Variants in JMJD1C observed in about 807,000 individuals in gnomAD.
JMJD1C encodes the protein jumonji domain containing 1C, also known as jumonji domain-containing protein 1C.
In JMJD1C, 31 loss-of-function variants were observed where a neutral mutation model predicts 245.3. The observed-to-expected ratio is 0.13, with a 90% confidence interval of 0.09 to 0.17. JMJD1C has a LOEUF of 0.17. Among genes scored for constraint, JMJD1C ranks in the 10% least tolerant of loss-of-function variants. The probability of loss-of-function intolerance (pLI) is 1.00; values close to 1 mark genes in which losing one functional copy is unlikely to be tolerated. For missense variants in JMJD1C, 2,691 were observed against 3,000.2 expected (o/e 0.90, Z 2.41); for synonymous variants, 1,057 against 1,017.4 (o/e 1.04, Z -0.74).
intron 3 of JMJD1C, among the ~76,000 whole-genome samples, chr10:63,229,448 G>A (rs1262906803): frequency 6.6e-6 from 1 of 151,960 alleles, no homozygotes; most frequent in East Asian, 1.9e-4. Context: ...GATTAAGATG[G>A]TAGGAAGAAA....
chr10:63,272,838 T>A (rs546718401), intron 2 of JMJD1C, among the ~76,000 whole-genome samples: 2 of 152,338 alleles, frequency 1.3e-5, no homozygotes, highest in South Asian at 4.1e-4. Flanking sequence ...AAACTCAAGT[T>A]TGTCTACACT....
At chr10:63,474,509 C>A (rs1953596916) in intron 1 of JMJD1C, among the ~76,000 whole-genome samples, 1 of 151,284 alleles carries the variant, frequency 6.6e-6, no homozygotes, top group Non-Finnish European at 1.5e-5. Context: ...TGCAGTGGTA[C>A]AATCATGGCT....
chr10:63,494,571 G>A (rs1232725027), intron 1 of JMJD1C, among the ~76,000 whole-genome samples: 1 of 152,082 alleles, frequency 6.6e-6, no homozygotes, highest in East Asian at 1.9e-4. Context: ...GTTTTAAATT[G>A]TCTTCTTTGA....
chr10:63,507,644 C>CAA (rs34738955), intron 1 of JMJD1C, among the ~76,000 whole-genome samples: 12,745 of 58,752 alleles, frequency 0.22, 2,349 homozygotes, highest in Admixed American at 0.47. Flanking sequence ...GACTCTGTCT[C>CAA]AAAAAAAAAA....
intron 2 of JMJD1C, among the ~76,000 whole-genome samples, chr10:63,286,500 T>C (rs969220995): frequency 6.6e-6 from 1 of 152,180 alleles, no homozygotes; most frequent in Non-Finnish European, 1.5e-5. Context: ...TCTTAACAGA[T>C]CAGTTTCCTG....
At chr10:63,516,306 A>G (rs1398592577) in intron 1 of JMJD1C, among the ~76,000 whole-genome samples, 1 of 152,044 alleles carries the variant, frequency 6.6e-6, no homozygotes, top group Non-Finnish European at 1.5e-5. Flanking sequence ...AGGGAAGAAA[A>G]AAAGACTAAT....
At chr10:63,503,459 G>A (rs1954622855) in intron 1 of JMJD1C, among the ~76,000 whole-genome samples, 1 of 152,146 alleles carries the variant, frequency 6.6e-6, no homozygotes, top group Admixed American at 6.6e-5. Context: ...TGAAAAGTTT[G>A]GGAGACAATG....
intron 2 of JMJD1C, among the ~76,000 whole-genome samples, chr10:63,365,850 TCTGGCTTC>T (rs1945790169): frequency 2.6e-5 from 4 of 152,282 alleles, no homozygotes; most frequent in African/African-American, 9.6e-5. Context: ...TTGAAAGAGG[TCTGGCTTC>T]TGCCCTCAGC....
intron 10 of JMJD1C, among the ~76,000 whole-genome samples, chr10:63,206,078 T>C (rs1846577603): frequency 6.6e-6 from 1 of 152,212 alleles, no homozygotes; most frequent in Non-Finnish European, 1.5e-5. Flanking sequence ...CTGTGAATTT[T>C]GGTATCCGTG....
At chr10:63,200,761 C>G in intron 10 of JMJD1C, 84 bp from the exon 11 acceptor site, 1 of 1,192,176 alleles carries the variant, frequency 8.4e-7, no homozygotes, top group Non-Finnish European at 1.2e-6. Flanking sequence ...GTCAGTTATA[C>G]AATTGTGATG....
chr10:63,392,024 CT>C (rs1948095789), intron 1 of JMJD1C, among the ~76,000 whole-genome samples: 1 of 152,206 alleles, frequency 6.6e-6, no homozygotes, highest in Non-Finnish European at 1.5e-5. Context: ...CCACTGATTT[CT>C]TTCACTGTCG....
At chr10:63,303,659 A>G (rs1236568559) in intron 2 of JMJD1C, among the ~76,000 whole-genome samples, 2 of 152,200 alleles carry the variant, frequency 1.3e-5, no homozygotes, top group Admixed American at 6.5e-5. Flanking sequence ...CGTATAACGT[A>G]CATATGTGAT....
intron 2 of JMJD1C, among the ~76,000 whole-genome samples, chr10:63,298,291 G>C (rs888889574): frequency 3.3e-5 from 5 of 152,158 alleles, no homozygotes; most frequent in African/African-American, 1.2e-4. Flanking sequence ...CAAAACTCAA[G>C]CACTGGTGCC....
At chr10:63,438,306 C>CG (rs1209210592) in intron 1 of JMJD1C, among the ~76,000 whole-genome samples, 1 of 152,182 alleles carries the variant, frequency 6.6e-6, no homozygotes, top group East Asian at 1.9e-4. Flanking sequence ...ACATCAGATG[C>CG]AATTCAGCAA....
At chr10:63,444,612 A>C (rs2132956178) in intron 1 of JMJD1C, among the ~76,000 whole-genome samples, 1 of 150,380 alleles carries the variant, frequency 6.6e-6, no homozygotes, top group East Asian at 2.0e-4. Flanking sequence ...CAATTACTGA[A>C]TACCTACTAT....
At chr10:63,440,613 C>T (rs1185622626) in intron 1 of JMJD1C, among the ~76,000 whole-genome samples, 1 of 151,694 alleles carries the variant, frequency 6.6e-6, no homozygotes, top group Non-Finnish European at 1.5e-5. Flanking sequence ...TAAAAAGTTT[C>T]TATGATCTAC....
intron 1 of JMJD1C, among the ~76,000 whole-genome samples, chr10:63,396,196 T>C (rs1948474626): frequency 1.4e-5 from 2 of 145,880 alleles, no homozygotes; most frequent in South Asian, 2.1e-4. Context: ...ATGATATATA[T>C]ACAGAGAGAT....
intron 11 of JMJD1C, among the ~76,000 whole-genome samples, chr10:63,199,094 C>T (rs1403216366): frequency 6.6e-6 from 1 of 152,052 alleles, no homozygotes; most frequent in Non-Finnish European, 1.5e-5. Context: ...TCGGAATCAC[C>T]AAAGCTGAAA....
chr10:63,493,999 C>T (rs563544121), intron 1 of JMJD1C, among the ~76,000 whole-genome samples: 1 of 152,256 alleles, frequency 6.6e-6, no homozygotes, highest in Admixed American at 6.5e-5. Flanking sequence ...TCTATGTAGC[C>T]TGACTCAGAA....
Sources: allele counts gnomAD v4.1 joint callset (sites outside exome capture counted in the v4.1 genomes callset), GRCh38; gene constraint gnomAD v4.1.1; transcripts MANE v1.5; gene names NCBI Gene and HGNC (gene_info 2026-07-23, HGNC 2026-07-21).